Variants in IFT172 observed in about 807,000 individuals in gnomAD.
IFT172 encodes intraflagellar transport 172, also known as intraflagellar transport protein 172 homolog.
IFT172 carries 164 observed loss-of-function variants against 248.9 expected under a neutral mutation model. The ratio of observed to expected loss-of-function variants is 0.66; its 90% CI spans 0.58 to 0.75. IFT172 has a LOEUF of 0.75. IFT172 is among the 30% of genes least tolerant of loss of function. The pLI is 0.00. For missense variants in IFT172, 1,950 were observed against 2,192.4 expected (o/e 0.89, Z 2.21); for synonymous variants, 729 against 791.6 (o/e 0.92, Z 1.33).
Position 27,479,519 on chromosome 2 carries a change from C to A in IFT172, c.995G>T (p.Gly332Val). 1 of 1,603,532 alleles carries A rather than the reference C, an allele frequency of 6.2e-7. No individual in the cohort carries two copies. The highest frequency in any genetic ancestry group is 1.1e-5 in the South Asian group (1 of 90,896). Reference protein sequence around the residue: ...YKNKFELTYVGPSQVIVKNLS... With the variant: ...YKNKFELTYVVPSQVIVKNLS... Reference sequence around the variant, plus strand: ...TACCATCCTGCTTACCTGGCTAGGTCCCACATACGTCAACTCAAACTTGTT... The same window carrying A: ...TACCATCCTGCTTACCTGGCTAGGTACCACATACGTCAACTCAAACTTGTT... Residue 332 changes from glycine to valine, a missense_variant, in exon 10 of 48, where the codon GGA (glycine) becomes GTA (valine). Gly to Val is a moderately radical substitution (Grantham distance 109, BLOSUM62 -3). Coordinates refer to ENST00000260570, the MANE Select transcript of IFT172 (RefSeq NM_015662.3).
In IFT172 at chr2:27,465,877, A is replaced by T. The variant is rs765731241; in HGVS notation, c.1698T>A (p.Asp566Glu). ...CCCCGCCCCGCTCCAGACCTATAACATCACCCTGTAAAAGTTTATCCCCCA... is the reference window on the plus strand; with the variant it reads ...CCCCGCCCCGCTCCAGACCTATAACTTCACCCTGTAAAAGTTTATCCCCCA... ...ERVTMFTIRG[D>E]VIGLERGGGK... Residue 566 changes from aspartate to glutamate, a missense_variant, in exon 17 of 48, where the codon GAT becomes GAA. Around this residue, in one of 3 missense-constraint regions of IFT172, gnomAD observed 1,166 missense variants for 1,254.1 expected, o/e 0.93. Transcript: ENST00000260570. 3 of 1,613,908 alleles carry T rather than the reference A, an allele frequency of 1.9e-6. No individual in the cohort carries two copies. Among genetic ancestry groups the T allele is most frequent in the East Asian group, 2.2e-5 (1 of 44,868 alleles).
intron 25 of IFT172, 34 bp from the exon 26 acceptor site, chr2:27,458,902 G>C (rs748193672): frequency 6.2e-6 from 10 of 1,610,752 alleles, no homozygotes; most frequent in Non-Finnish European, 8.5e-6. Context: ...CAAAAGGTCA[G>C]AGCAACAGAC....
chr2:27,487,624 C>T (rs951550271), intron 1 of IFT172, among the ~76,000 whole-genome samples: 1 of 152,150 alleles, frequency 6.6e-6, no homozygotes, highest in Admixed American at 6.5e-5. Flanking sequence ...GGCAGAGTCT[C>T]GCTCTGTCAC....
At chr2:27,479,696 G>T in intron 9 of IFT172, 92 bp from the exon 10 acceptor site, 1 of 880,784 alleles carries the variant, frequency 1.1e-6, no homozygotes, top group South Asian at 1.4e-5. Context: ...CTAAGCTCTA[G>T]AGTCTAGAGA....
intron 14 of IFT172, among the ~76,000 whole-genome samples, chr2:27,475,241 G>A (rs1298924186): frequency 6.6e-6 from 1 of 152,204 alleles, no homozygotes; most frequent in Non-Finnish European, 1.5e-5. Flanking sequence ...GGTGGGAATA[G>A]AAATTGGTAT....
intron 35 of IFT172, 109 bp from the exon 36 acceptor site, chr2:27,450,205 T>A: frequency 1.3e-6 from 1 of 788,276 alleles, no homozygotes; most frequent in Non-Finnish European, 2.1e-6. Flanking sequence ...ACTTTTTCTC[T>A]TACTCTCCCC....
Position 27,449,769 on chromosome 2 carries a change from ACAAGGTCCAGATT to A in IFT172, c.4069_4081del (p.Asn1357SerfsTer20), listed in dbSNP as rs1159884324. ...GATGAAAGCATCGATTGCTTCCTTG[ACAAGGTCCAGATT>A]CAGATAGAGCTCTGCAGCCTGCACA... On this transcript the variant is annotated frameshift_variant, in exon 37 of 48. Coordinates refer to ENST00000260570, the MANE Select transcript of IFT172 (RefSeq NM_015662.3). LOFTEE classifies it high-confidence loss of function. 1 of 1,613,870 alleles carries A rather than the reference ACAAGGTCCAGATT, an allele frequency of 6.2e-7. No homozygotes were observed. Among genetic ancestry groups the A allele is most frequent in the Non-Finnish European group, 8.5e-7 (1 of 1,179,940 alleles).
In IFT172 at chr2:27,445,383, C is replaced by A. The variant is rs779670290; in HGVS notation, c.4981G>T (p.Val1661Phe). The change falls in exon 46 of 48, where the codon GTT becomes TTT. Residue 1661 changes from valine to phenylalanine, a missense_variant. Transcript: ENST00000260570. The surrounding 1 kb of genome is among the most constrained non-coding windows in gnomAD (Gnocchi z 4.4). ...TVSMDQRLEQ[V>F]LPRDERGAYE... Reference sequence around the variant, plus strand: ...GCGCCACGCTCATCCCGAGGCAGAACCTGCTCCAGCCGCTGGTCCATGGAG... The same window carrying A: ...GCGCCACGCTCATCCCGAGGCAGAAACTGCTCCAGCCGCTGGTCCATGGAG... 4 of 1,612,736 alleles carry A rather than the reference C, an allele frequency of 2.5e-6. No individual in the cohort carries two copies. The highest frequency in any genetic ancestry group is 2.2e-5 in the East Asian group (1 of 44,844).
Position 27,444,782 on chromosome 2 carries a change from GGATTACAGGTGCACGCCACCAGACCCGGC to G in IFT172, c.5160+203_5160+231del, listed in dbSNP as rs1165744677. 2.0e-5 allele frequency among the ~76,000 whole-genome samples: 3 copies of G among 152,182 alleles called. No individual in the cohort carries two copies. In the East Asian group the frequency reaches 5.8e-4, roughly 29 times the overall value. On this transcript the variant is annotated intron_variant, in intron 47 of 47. Coordinates refer to ENST00000260570, the MANE Select transcript of IFT172 (RefSeq NM_015662.3). ...CCTGCCTCAGCCTCCTGAGTAGCTG[GGATTACAGGTGCACGCCACCAGACCCGGC>G]TAACTTTTGTATTTTTAGTAGAGAC...
chr2:27,479,654 A>G lies in IFT172; in HGVS notation c.910-50T>C, dbSNP rs1027220918. On this transcript the variant is annotated intron_variant, in intron 9 of 47. Coordinates refer to ENST00000260570, the MANE Select transcript of IFT172 (RefSeq NM_015662.3). ...AAGGTCACACACATAGTACACTGGC[A>G]TGGGGAGAGTATCTAGAGACATCCT... 4.4e-6 allele frequency: 5 copies of G among 1,140,556 alleles called. No individual in the cohort carries two copies. In the African/African-American group the frequency reaches 7.6e-5, roughly 17 times the overall value. 70.7% of individuals were successfully genotyped at this position (1,140,556 alleles called of 1,614,324 possible).
At chr2:27,484,180 T>A (rs767317165) in intron 4 of IFT172, 47 bp downstream of exon 4, 6 of 1,610,520 alleles carry the variant, frequency 3.7e-6, no homozygotes, top group Non-Finnish European at 5.1e-6. Flanking sequence ...GATATACTGA[T>A]ATATGTTTGT....
intron 15 of IFT172, 136 bp downstream of exon 15, chr2:27,472,114 C>T: frequency 1.4e-6 from 1 of 693,236 alleles, no homozygotes; most frequent in Non-Finnish European, 2.7e-6. Flanking sequence ...AATGTTGATT[C>T]TTCTGTGCCT....
rs984788032 is a variant in IFT172 at position 27,487,625 on chromosome 2, G to A, written c.39+1990C>T. ...AATTTATTTTTTGAGGCAGAGTCTCGCTCTGTCACCCAGGCTGGAGTGCAG... is the reference window on the plus strand; with the variant it reads ...AATTTATTTTTTGAGGCAGAGTCTCACTCTGTCACCCAGGCTGGAGTGCAG... On this transcript the variant is annotated intron_variant, in intron 1 of 47. Transcript: ENST00000260570. 2.0e-4 allele frequency among the ~76,000 whole-genome samples: 31 copies of A among 151,980 alleles called. No homozygotes were observed. In the South Asian group the frequency reaches 2.5e-3, roughly 12 times the overall value.
intron 16 of IFT172, among the ~76,000 whole-genome samples, chr2:27,467,586 T>C (rs1436290924): frequency 3.4e-5 from 4 of 116,340 alleles, no homozygotes; most frequent in Non-Finnish European, 6.4e-5. Context: ...CACTCCAGCA[T>C]GGCGCAACAG....
Position 27,445,507 on chromosome 2 carries a change from G to A in IFT172, c.4915-58C>T. 1 of 1,550,718 alleles carries A rather than the reference G, an allele frequency of 6.4e-7. No homozygotes were observed. The highest frequency in any genetic ancestry group is 2.2e-4 in the Middle Eastern group (1 of 4,590). ...CACAGGGCAGGGCAGGACAAGTTGGGGTGGATGGGTGAGGAGGGGGTTTGC... is the reference window on the plus strand; with the variant it reads ...CACAGGGCAGGGCAGGACAAGTTGGAGTGGATGGGTGAGGAGGGGGTTTGC... On this transcript the variant is annotated intron_variant, in intron 45 of 47. Transcript: ENST00000260570. The surrounding 1 kb of genome is among the most constrained non-coding windows in gnomAD (Gnocchi z 4.4).
At position 27,447,620 on chromosome 2, in the gene IFT172, C is replaced by T. The variant is rs552378356; in HGVS notation, c.4554G>A (p.Val1518=). 1.2e-5 allele frequency: 19 copies of T among 1,614,160 alleles called. No homozygotes were observed. The South Asian group carries it at 1.6e-4, about 14-fold the overall frequency. ...CTGGAGAGTTTGCCTCACTGGACTT[C>T]ACCAGGTTTTCACACTAGAGGAGGG... The part of the protein sequence containing the change: ...DVLFNLCENL[V]KSSEANSPAH... Residue 1518 remains valine, a synonymous_variant, in exon 42 of 48, where the codon GTG becomes GTA. Coordinates refer to ENST00000260570, the MANE Select transcript of IFT172 (RefSeq NM_015662.3).
chr2:27,467,842 C>A (rs1314716819), intron 16 of IFT172, among the ~76,000 whole-genome samples: 2 of 151,860 alleles, frequency 1.3e-5, no homozygotes, highest in Admixed American at 6.6e-5. Flanking sequence ...ACAGGAAACA[C>A]AATCTATACT....
chr2:27,476,702 C>T lies in IFT172; in HGVS notation c.1350G>A (p.Gln450=), dbSNP rs878941438. 6.2e-7 allele frequency: 1 copy of T among 1,612,670 alleles called. No homozygotes were observed. The highest frequency in any genetic ancestry group is 1.1e-5 in the South Asian group (1 of 91,026). ...LISVRINERC[Q]RGTEDNKKLA... ...ATTTCTTATTATCTTCTGTTCCTCG[C>T]TGACACCTCTCATTAATACGAACAC... Residue 450 remains glutamine (Q), a synonymous_variant, in exon 14 of 48, where the codon CAG becomes CAA. Coordinates refer to ENST00000260570, the MANE Select transcript of IFT172 (RefSeq NM_015662.3).
intron 41 of IFT172, 34 bp from the exon 42 acceptor site, chr2:27,447,668 G>A: frequency 6.2e-7 from 1 of 1,613,886 alleles, no homozygotes; most frequent in Non-Finnish European, 8.5e-7. Flanking sequence ...CTGGCTCAGG[G>A]GTCAGAGGAG....
Sources: allele counts gnomAD v4.1 joint callset (sites outside exome capture counted in the v4.1 genomes callset), GRCh38; gene constraint gnomAD v4.1.1; regional missense constraint gnomAD v4.1.1; non-coding constraint Gnocchi (gnomAD v3.1); transcripts MANE v1.5; gene names NCBI Gene and HGNC (gene_info 2026-07-23, HGNC 2026-07-21).